Variants in SH3TC1 observed in about 807,000 individuals in gnomAD.
The protein encoded by SH3TC1 is SH3 domain and tetratricopeptide repeat-containing protein 1.
In SH3TC1, 135 loss-of-function variants were observed where a neutral mutation model predicts 117.3. The observed-to-expected ratio is 1.15, with a 90% CI of 1.00 to 1.33. The LOEUF is 1.33. Ranked by LOEUF, SH3TC1 falls within the 40% of genes most tolerant of loss-of-function variation. SH3TC1 has a pLI of 0.00. For missense variants in SH3TC1, 2,092 were observed against 1,794.3 expected (o/e 1.17, Z -3.00); for synonymous variants, 898 against 816.9 (o/e 1.10, Z -1.69).
chr4:8,203,183 G>A (rs1246504048), intron 1 of SH3TC1, among the ~76,000 whole-genome samples: 6 of 152,240 alleles, frequency 3.9e-5, no homozygotes, highest in East Asian at 3.9e-4. Context: ...AGAGCAGTGC[G>A]GGGAGGGAGG....
intron 5 of SH3TC1, among the ~76,000 whole-genome samples, chr4:8,215,734 T>C (rs1719198364): frequency 6.6e-6 from 1 of 152,180 alleles, no homozygotes; most frequent in African/African-American, 2.4e-5. Context: ...CAGCTCATGA[T>C]GCGGGGCGGG....
In SH3TC1 at chr4:8,225,928, G is replaced by T. The variant is rs904044658; in HGVS notation, c.1285+712G>T. Among the ~76,000 whole-genome samples the T allele has an allele frequency of 1.3e-5, 2 of 152,144 alleles. No homozygotes were observed. The highest frequency in any genetic ancestry group is 1.5e-5 in the Non-Finnish European group (1 of 68,022). On this transcript the variant is annotated intron_variant, in intron 11 of 17. Coordinates refer to ENST00000245105, the MANE Select transcript of SH3TC1 (RefSeq NM_018986.5). This position sits in a 1 kb window ranked among gnomAD's most constrained non-coding sequence, Gnocchi z 5.5. ...CTGCCGAAGTCCCTGGAGCAAATGC[G>T]AGTGACTCCAGCTGCCCCCAAGGCC...
At chr4:8,208,895 A>G (rs1370361970) in intron 2 of SH3TC1, among the ~76,000 whole-genome samples, 1 of 152,254 alleles carries the variant, frequency 6.6e-6, no homozygotes, top group Non-Finnish European at 1.5e-5. Context: ...CCGGCCACAC[A>G]GAAGTTCACT....
chr4:8,189,627 G>T (rs895783811), intron 1 of SH3TC1, among the ~76,000 whole-genome samples: 2 of 152,124 alleles, frequency 1.3e-5, no homozygotes, highest in Non-Finnish European at 2.9e-5. Flanking sequence ...GGGGTCATGC[G>T]CCAAGTGCCC....
intron 8 of SH3TC1, 23 bp from the exon 9 acceptor site, chr4:8,219,312 C>A: frequency 1.3e-6 from 2 of 1,560,276 alleles, no homozygotes; most frequent in South Asian, 2.4e-5. Flanking sequence ...CCCTGGCACT[C>A]ACCATGTGGC....
Position 8,209,774 on chromosome 4 carries a change from G to A in SH3TC1, c.199G>A (p.Gly67Arg), listed in dbSNP as rs1718491936. 3.1e-6 allele frequency: 5 copies of A among 1,613,608 alleles called. No homozygotes were observed. In the South Asian group the frequency reaches 4.4e-5, roughly 14 times the overall value. ...CGAGGCTCCTCCTGCCCGCGTGGCT[G>A]GGCCTGCTGCTGGGACCCCTCCCTG... is the stretch of plus-strand genomic sequence containing the variant. ...GDEAPPARVA[G>R]PAAGTPPCQM... is the part of the protein sequence containing the mutation. The change falls in exon 3 of 18, where the codon GGG becomes AGG. Residue 67 changes from glycine (G) to arginine (R), a missense_variant. Physicochemically the swap from Gly to Arg is moderately radical, Grantham distance 125. Transcript: ENST00000245105. This position sits in a 1 kb window ranked among gnomAD's most constrained non-coding sequence, Gnocchi z 5.9.
At position 8,228,654 on chromosome 4, in the gene SH3TC1, C is replaced by T. The variant is rs534082661; in HGVS notation, c.2950+10C>T. On this transcript the variant is annotated intron_variant, in intron 12 of 17. Coordinates refer to ENST00000245105, the MANE Select transcript of SH3TC1 (RefSeq NM_018986.5). The stretch of plus-strand genomic sequence containing the variant: ...ATGGGCCACGTGGAGAGTGAGTGCC[C>T]CAGTTCCTTCTGTGTGCCTTCCGGG... 5 of 1,464,670 alleles carry T rather than the reference C, an allele frequency of 3.4e-6. No homozygotes were observed. In the African/African-American group the frequency reaches 5.6e-5, roughly 16 times the overall value. The allele number at this position is 1,464,670 out of a possible 1,614,324, so 90.7% of individuals were successfully genotyped here.
In SH3TC1 at chr4:8,235,545, CCTT is replaced by C. The variant is rs776299504; in HGVS notation, c.3398_3400del (p.Phe1133del). On this transcript the variant is annotated inframe_deletion, in exon 15 of 18. Transcript: ENST00000245105. ...GCCTGGGAGCGGGAGAAAGCTGTGT[CCTT>C]CTACCGGGTGAGCTGGCCTGTGGGC... 8 of 1,598,096 alleles carry C rather than the reference CCTT, an allele frequency of 5.0e-6. No homozygotes were observed. The highest frequency in any genetic ancestry group is 3.4e-5 in the South Asian group (3 of 89,124).
Position 8,190,771 on chromosome 4 carries a change from G to A in SH3TC1, c.-57+8561G>A, listed in dbSNP as rs1717393917. Among the ~76,000 whole-genome samples, 1 of 152,142 alleles carries A rather than the reference G, an allele frequency of 6.6e-6. No individual in the cohort carries two copies. The highest frequency in any genetic ancestry group is 1.5e-5 in the Non-Finnish European group (1 of 68,026). On this transcript the variant is annotated intron_variant, in intron 1 of 16. Coordinates refer to the SH3TC1 transcript ENST00000508641. This position sits in a 1 kb window ranked among gnomAD's most constrained non-coding sequence, Gnocchi z 4.7. ...TGCTCCCACCTCAGCCTCCCGAGCAGCTGGGACTACAGGCACGCACCACCA... is the reference window on the plus strand; with the variant it reads ...TGCTCCCACCTCAGCCTCCCGAGCAACTGGGACTACAGGCACGCACCACCA...
At position 8,209,674 on chromosome 4, in the gene SH3TC1, G is replaced by A. The variant is rs1394975284; in HGVS notation, c.173-74G>A. 6.3e-7 allele frequency: 1 copy of A among 1,596,506 alleles called. No homozygotes were observed. The highest frequency in any genetic ancestry group is 8.5e-7 in the Non-Finnish European group (1 of 1,172,166). On this transcript the variant is annotated intron_variant, in intron 2 of 17. Transcript: ENST00000245105. The surrounding 1 kb of genome is among the most constrained non-coding windows in gnomAD (Gnocchi z 5.9). Reference sequence around the variant, plus strand: ...ACCTCTTTTCTTGCAGAGAGACCTGGAGCGTTTGGCGCCTTCAGAGGAGCC... The same window carrying A: ...ACCTCTTTTCTTGCAGAGAGACCTGAAGCGTTTGGCGCCTTCAGAGGAGCC...
chr4:8,207,487 G>T (rs1291873397), intron 2 of SH3TC1, among the ~76,000 whole-genome samples: 1 of 152,158 alleles, frequency 6.6e-6, no homozygotes, highest in Non-Finnish European at 1.5e-5. Flanking sequence ...TCTCATCATG[G>T]GCTGGCCTGG....
chr4:8,214,026 A>G lies in SH3TC1; in HGVS notation c.376-449A>G, dbSNP rs147588093. ...GCTGTTATTTTTTCATGCCCCTATC[A>G]ACACTGATTAATAGAAATCAGAGGA... On this transcript the variant is annotated intron_variant, in intron 4 of 17. Transcript: ENST00000245105. 9.1e-4 allele frequency among the ~76,000 whole-genome samples: 139 copies of G among 152,270 alleles called. 2 individuals are homozygous for G. The East Asian group carries it at 0.022, about 24-fold the overall frequency.
chr4:8,217,169 T>C lies in SH3TC1; in HGVS notation c.839+2T>C. 2 of 1,601,444 alleles carry C rather than the reference T, an allele frequency of 1.2e-6. No individual in the cohort carries two copies. Among genetic ancestry groups the C allele is most frequent in the South Asian group, 1.1e-5 (1 of 89,502 alleles). On this transcript the variant is annotated splice_donor_variant, in intron 7 of 17. Transcript: ENST00000245105. LOFTEE classifies it high-confidence loss of function. ...GGAGCCTTTGATTCCATTTCATCAG[T>C]AGGTACCGGCCTTTGCTGCTCTGAG...
At chr4:8,226,840 A>T in intron 11 of SH3TC1, 140 bp from the exon 12 acceptor site, 2 of 535,142 alleles carry the variant, frequency 3.7e-6, no homozygotes, top group Non-Finnish European at 6.2e-6. Context: ...TCAAGGGCTC[A>T]TGGCAAGCCG....
At chr4:8,238,273 C>T (rs1015258216) in intron 17 of SH3TC1, among the ~76,000 whole-genome samples, 4 of 152,144 alleles carry the variant, frequency 2.6e-5, no homozygotes, top group African/African-American at 7.2e-5. Context: ...TGCAGTGGGG[C>T]GGGGCCCCAG....
At chr4:8,223,520 C>T (rs1222232164) in intron 10 of SH3TC1, among the ~76,000 whole-genome samples, 2 of 152,142 alleles carry the variant, frequency 1.3e-5, no homozygotes, top group East Asian at 1.9e-4. Flanking sequence ...CTGGGGGCTG[C>T]AGTGCAACGC....
At chr4:8,207,823 C>T (rs1718333153) in intron 2 of SH3TC1, among the ~76,000 whole-genome samples, 1 of 152,178 alleles carries the variant, frequency 6.6e-6, no homozygotes, top group Admixed American at 6.5e-5. Flanking sequence ...TCGGCCATAT[C>T]CACAGCCCCG....
intron 5 of SH3TC1, 79 bp downstream of exon 5, chr4:8,214,659 A>G (rs938729680): frequency 4.7e-6 from 5 of 1,057,328 alleles, no homozygotes; most frequent in Non-Finnish European, 7.2e-6. Context: ...CACTTAGATT[A>G]CAAACTGGTG....
At chr4:8,220,923 A>T (rs1719861717) in intron 9 of SH3TC1, among the ~76,000 whole-genome samples, 1 of 152,242 alleles carries the variant, frequency 6.6e-6, no homozygotes, top group African/African-American at 2.4e-5. Context: ...TTCCCAAAGC[A>T]TGTTCTCACA....
Sources: gnomAD v4.1 joint callset for allele counts (sites outside exome capture counted in the v4.1 genomes callset) on GRCh38, gnomAD v4.1.1 for gene constraint, Gnocchi (gnomAD v3.1) non-coding constraint, MANE v1.5 for transcripts, NCBI Gene and HGNC (gene_info 2026-07-23, HGNC 2026-07-21) for gene names.